Variants in SLC14A2 observed in about 807,000 individuals in gnomAD.
The protein encoded by SLC14A2 is solute carrier family 14 member 2.
In SLC14A2, 91 loss-of-function variants were observed where a neutral mutation model predicts 104.6. The ratio of observed to expected loss-of-function variants is 0.87; its 90% CI spans 0.73 to 1.04. SLC14A2 has a LOEUF of 1.04. SLC14A2 is among the 50% of genes least tolerant of loss of function. The probability of loss-of-function intolerance (pLI) is 0.00; values close to 1 mark genes in which losing one functional copy is unlikely to be tolerated. For missense variants in SLC14A2, 1,189 were observed against 1,156.0 expected, an observed-to-expected ratio of 1.03 and a Z score of -0.41; for synonymous variants, 476 against 466.4, an observed-to-expected ratio of 1.02 and a Z score of -0.27.
intron 1 of SLC14A2, among the ~76,000 whole-genome samples, chr18:45,350,627 G>A (rs572215143): frequency 6.8e-4 from 103 of 152,218 alleles, no homozygotes; most frequent in African/African-American, 2.2e-3. Context: ...CTCGGGATGC[G>A]GTAATGCCGC....
At chr18:45,447,123 G>A (rs1489689990) in intron 1 of SLC14A2, 1 of 152,206 alleles carries the variant, frequency 6.6e-6, no homozygotes, top group Admixed American at 6.5e-5. Context: ...GGGGGGTGGG[G>A]GTAGTCAGTC....
intron 1 of SLC14A2, among the ~76,000 whole-genome samples, chr18:45,307,471 A>C (rs951198626): frequency 2.0e-5 from 3 of 152,002 alleles, no homozygotes; most frequent in Non-Finnish European, 4.4e-5. Context: ...ACAAAAAAGA[A>C]AAGACTAACC....
chr18:45,674,609 T>TAAA (rs60197753), intron 18 of SLC14A2, among the ~76,000 whole-genome samples: 9 of 143,928 alleles, frequency 6.3e-5, no homozygotes, highest in Non-Finnish European at 1.2e-4. Context: ...TGTAGTTACT[T>TAAA]AAAAAAAAAA....
chr18:45,429,142 G>A (rs941150377), intron 1 of SLC14A2, among the ~76,000 whole-genome samples: 5 of 152,138 alleles, frequency 3.3e-5, no homozygotes, highest in African/African-American at 1.2e-4. Flanking sequence ...TGACGCCAGA[G>A]TTCCATATTT....
chr18:45,514,369 A>C (rs1393134590), intron 2 of SLC14A2, among the ~76,000 whole-genome samples: 1 of 152,186 alleles, frequency 6.6e-6, no homozygotes, highest in African/African-American at 2.4e-5. Flanking sequence ...CTCCACCATG[A>C]GACAACACTA....
At chr18:45,376,975 T>C (rs1263326635) in intron 1 of SLC14A2, among the ~76,000 whole-genome samples, 2 of 152,210 alleles carry the variant, frequency 1.3e-5, no homozygotes, top group Non-Finnish European at 2.9e-5. Flanking sequence ...AACCTTGCTG[T>C]CCTCTCAAAA....
chr18:45,642,312 T>G, intron 8 of SLC14A2, among the ~76,000 whole-genome samples: 1 of 152,196 alleles, frequency 6.6e-6, no homozygotes, highest in East Asian at 1.9e-4. Context: ...ATGGAGACAG[T>G]GGACCTAGTA....
chr18:45,338,392 A>G (rs960770745), intron 1 of SLC14A2, among the ~76,000 whole-genome samples: 8 of 152,088 alleles, frequency 5.3e-5, no homozygotes, highest in African/African-American at 1.7e-4. Flanking sequence ...TAGTAGAGAC[A>G]GGGTTTCACC....
At chr18:45,678,950 C>CTTTTT in intron 18 of SLC14A2, 25 bp from the exon 19 acceptor site, 1 of 1,395,684 alleles carries the variant, frequency 7.2e-7, no homozygotes, top group Non-Finnish European at 9.7e-7. Context: ...TGGTCTATTT[C>CTTTTT]TTTCTTTTTT....
At chr18:45,597,048 C>T (rs570315991) in intron 2 of SLC14A2, among the ~76,000 whole-genome samples, 13 of 152,306 alleles carry the variant, frequency 8.5e-5, no homozygotes, top group Admixed American at 4.6e-4. Flanking sequence ...TGGTTGCAGC[C>T]GGGCACGGTG....
At chr18:45,558,571 G>A (rs2047429950) in intron 2 of SLC14A2, among the ~76,000 whole-genome samples, 1 of 152,190 alleles carries the variant, frequency 6.6e-6, no homozygotes, top group Admixed American at 6.5e-5. Context: ...CAGGTGTTGT[G>A]TTTTCTGTAG....
intron 12 of SLC14A2, among the ~76,000 whole-genome samples, 195 bp from the exon 13 acceptor site, chr18:45,666,740 C>T (rs1383704130): frequency 2.0e-5 from 3 of 151,210 alleles, no homozygotes; most frequent in African/African-American, 4.8e-5. Context: ...CTGTGCCTCA[C>T]GGTAGTTAAC....
the SLC14A2 span, among the ~76,000 whole-genome samples, chr18:45,203,091 T>G: frequency 6.6e-6 from 1 of 152,176 alleles, no homozygotes; most frequent in Non-Finnish European, 1.5e-5. Flanking sequence ...CACTTGGCCA[T>G]TGAAAGAGAA....
intron 1 of SLC14A2, among the ~76,000 whole-genome samples, chr18:45,621,475 A>G (rs2045168793): frequency 6.6e-6 from 1 of 152,226 alleles, no homozygotes; most frequent in Non-Finnish European, 1.5e-5. Context: ...GGGTGGCCCC[A>G]CGCTGTTCTG....
At chr18:45,484,554 A>AGGGAAT (rs1342498348) in intron 2 of SLC14A2, among the ~76,000 whole-genome samples, 1 of 152,218 alleles carries the variant, frequency 6.6e-6, no homozygotes, top group Non-Finnish European at 1.5e-5. Flanking sequence ...AGGAACTTCT[A>AGGGAAT]ATGCCAGCTA....
At chr18:45,456,424 G>A (rs796703583) in intron 1 of SLC14A2, among the ~76,000 whole-genome samples, 8 of 152,302 alleles carry the variant, frequency 5.3e-5, no homozygotes, top group African/African-American at 1.7e-4. Context: ...ATCCACAACA[G>A]CAAAAGCTCC....
chr18:45,426,756 C>A (rs8094278), intron 1 of SLC14A2, among the ~76,000 whole-genome samples: 85,027 of 149,996 alleles, frequency 0.57, 24,154 homozygotes, highest in Admixed American at 0.69. Context: ...TAATGGAAAA[C>A]CAGCCCTTGA....
intron 2 of SLC14A2, among the ~76,000 whole-genome samples, chr18:45,504,925 G>A (rs1315275798): frequency 1.3e-5 from 2 of 152,210 alleles, no homozygotes; most frequent in African/African-American, 4.8e-5. Flanking sequence ...TCAGAATAAG[G>A]CACCCTTTCA....
chr18:45,409,699 A>G (rs2086194235), intron 1 of SLC14A2, among the ~76,000 whole-genome samples: 1 of 152,206 alleles, frequency 6.6e-6, no homozygotes, highest in African/African-American at 2.4e-5. Flanking sequence ...TGAAGAAGCA[A>G]AAAGATCAAG....
Sources: gnomAD v4.1 joint callset for allele counts (sites outside exome capture counted in the v4.1 genomes callset) on GRCh38, gnomAD v4.1.1 for gene constraint, MANE v1.5 for transcripts, NCBI Gene and HGNC (gene_info 2026-07-23, HGNC 2026-07-21) for gene names.